The following TRERF1 variants were observed in gnomAD, a reference collection of about 807,000 sequenced individuals.
TRERF1 encodes transcriptional regulating factor 1.
Under a neutral mutation model 122.9 loss-of-function variants are expected in TRERF1, and 27 were observed. That is an observed-to-expected ratio of 0.22 (90% confidence interval 0.16 to 0.30). The LOEUF (loss-of-function observed/expected upper bound fraction) is 0.30. Among genes scored for constraint, TRERF1 ranks in the 10% least tolerant of loss-of-function variants. The pLI, the probability that TRERF1 is intolerant of heterozygous loss-of-function variation, is 1.00. For synonymous variants in TRERF1, 636 were observed against 641.7 expected (o/e 0.99, Z 0.13); for missense variants, 1,248 against 1,560.3 (o/e 0.80, Z 3.37).
chr6:42,338,817 G>A lies in TRERF1; in HGVS notation c.-371+24180C>T, dbSNP rs1314501082. ...GTTCCCACATGGGACTCTCTGCACT[G>A]CCCACACTCAGGAACTTCTCAGGAA... is the stretch of plus-strand genomic sequence containing the variant. On this transcript the variant is annotated intron_variant, in intron 3 of 17. Transcript: ENST00000372922. Among the ~76,000 whole-genome samples, 4 of 152,162 alleles carry A rather than the reference G, an allele frequency of 2.6e-5. No homozygotes were observed. The South Asian group carries it at 6.2e-4, about 24-fold the overall frequency.
At chr6:42,322,994 G>A (rs1447686117) in intron 3 of TRERF1, among the ~76,000 whole-genome samples, 1 of 151,794 alleles carries the variant, frequency 6.6e-6, no homozygotes, top group African/African-American at 2.4e-5. Flanking sequence ...GGGGTGGGGG[G>A]CAAGCAGAGG....
At chr6:42,426,135 T>G (rs182663932) in intron 2 of TRERF1, among the ~76,000 whole-genome samples, 3 of 152,348 alleles carry the variant, frequency 2.0e-5, no homozygotes, top group Admixed American at 1.3e-4. Flanking sequence ...TGGTTTCCCC[T>G]TCAGTTCTGC....
At chr6:42,333,550 G>A (rs772431231) in intron 3 of TRERF1, among the ~76,000 whole-genome samples, 2 of 152,218 alleles carry the variant, frequency 1.3e-5, no homozygotes, top group African/African-American at 2.4e-5. Flanking sequence ...TGCACCCTGC[G>A]CAGCTGGAGA....
At chr6:42,377,141 C>T (rs1451981272) in intron 2 of TRERF1, among the ~76,000 whole-genome samples, 1 of 152,212 alleles carries the variant, frequency 6.6e-6, no homozygotes, top group African/African-American at 2.4e-5. Flanking sequence ...GCTGGAATTA[C>T]AGGCGTGAGC....
rs1778382356 is a variant in TRERF1, at chr6:42,262,605, C to CAGAGAGAGAGAGAGAGAG, written c.1884+714_1884+715insCTCTCTCTCTCTCTCTCT. Among the ~76,000 whole-genome samples, 11 of 59,416 alleles carry CAGAGAGAGAGAGAGAGAG rather than the reference C, an allele frequency of 1.9e-4. 1 individual carries two copies. The highest frequency in any genetic ancestry group is 4.8e-4 in the East Asian group (1 of 2,090). The allele number at this position is 59,416 out of a possible 152,430, so 39.0% of individuals were successfully genotyped here. A position where few individuals can be genotyped will look rare whatever the true frequency, so the allele number is the denominator to read the frequency against. The stretch of plus-strand genomic sequence containing the variant: ...AGAGAGAGAGAGAGAGAGAGACAGA[C>CAGAGAGAGAGAGAGAGAG]AGACGGAAACCCTTCCCAGAGGCAA... On this transcript the variant is annotated intron_variant, in intron 8 of 17. Transcript: ENST00000372922.
intron 3 of TRERF1, among the ~76,000 whole-genome samples, chr6:42,320,758 C>T (rs1395748547): frequency 6.6e-6 from 1 of 152,160 alleles, no homozygotes; most frequent in Non-Finnish European, 1.5e-5. Flanking sequence ...GATCCACCTG[C>T]CTCGGCCTCC....
At chr6:42,298,573 A>G (rs553718715) in intron 4 of TRERF1, among the ~76,000 whole-genome samples, 21 of 147,802 alleles carry the variant, frequency 1.4e-4, no homozygotes, top group Non-Finnish European at 2.5e-4. Context: ...GGGAGGCTGA[A>G]GTGGGTGGAT....
intron 2 of TRERF1, among the ~76,000 whole-genome samples, chr6:42,379,056 T>C (rs1013765797): frequency 3.0e-4 from 45 of 151,826 alleles, no homozygotes; most frequent in Admixed American, 1.4e-3. Context: ...GCAGGTAGAG[T>C]CTGCAGTAAG....
chr6:42,375,951 C>T (rs1774766980), intron 2 of TRERF1, among the ~76,000 whole-genome samples: 1 of 152,118 alleles, frequency 6.6e-6, no homozygotes, highest in Admixed American at 6.5e-5. Context: ...AGAAATGAAA[C>T]CCGATTAGAA....
In TRERF1 at chr6:42,240,009, C is replaced by T. The variant is rs536596690; in HGVS notation, c.2859+3239G>A. Among the ~76,000 whole-genome samples the T allele has an allele frequency of 2.6e-5, 4 of 152,106 alleles. No homozygotes were observed. In the East Asian group the frequency reaches 7.8e-4, roughly 30 times the overall value. On this transcript the variant is annotated intron_variant, in intron 15 of 17. Transcript: ENST00000372922. The stretch of plus-strand genomic sequence containing the variant: ...CAAGAGGGTGTGGCCCCTTGGGCAC[C>T]CTCTTACCCTCTCCTCCTTAATCTG...
In TRERF1 at chr6:42,443,501, T is replaced by C. The variant is rs148442582; in HGVS notation, c.-454+7676A>G. On this transcript the variant is annotated intron_variant, in intron 2 of 17. Transcript: ENST00000372922. ...CCTTATTTGCAAAACAAACACTGAA[T>C]GCAAATGAAGACGGCTAAGACTGTA... Among the ~76,000 whole-genome samples, 846 of 152,338 alleles carry C rather than the reference T, an allele frequency of 5.6e-3. 6 individuals are homozygous for C. The highest frequency in any genetic ancestry group is 0.019 in the African/African-American group (798 of 41,574).
chr6:42,409,223 G>C (rs1367652660), intron 2 of TRERF1, among the ~76,000 whole-genome samples: 1 of 152,054 alleles, frequency 6.6e-6, no homozygotes, highest in African/African-American at 2.4e-5. Context: ...AGGCTGCAGT[G>C]AGCCGTGATC....
intron 4 of TRERF1, among the ~76,000 whole-genome samples, chr6:42,283,835 C>T (rs544115989): frequency 5.9e-5 from 9 of 151,986 alleles, no homozygotes; most frequent in East Asian, 1.9e-4. Context: ...AGGCTGGTCT[C>T]GAACTCCCAA....
At chr6:42,339,286 G>A (rs142637888) in intron 3 of TRERF1, among the ~76,000 whole-genome samples, 3 of 152,176 alleles carry the variant, frequency 2.0e-5, no homozygotes, top group South Asian at 2.1e-4. Context: ...TGTCCTCCAC[G>A]TCTCTCCTTC....
chr6:42,279,642 G>A (rs1238216566), intron 4 of TRERF1, among the ~76,000 whole-genome samples: 1 of 152,180 alleles, frequency 6.6e-6, no homozygotes, highest in Non-Finnish European at 1.5e-5. Flanking sequence ...TCCGGCAGGT[G>A]GGCAGCACAG....
exon 18 of TRERF1, chr6:42,226,490 G>T (rs1025179833): frequency 2.0e-5 from 3 of 152,204 alleles, no homozygotes; most frequent in African/African-American, 7.2e-5. Flanking sequence ...ACTCACAACT[G>T]CTTGGATAAA....
chr6:42,321,085 G>A (rs547518211), intron 3 of TRERF1, among the ~76,000 whole-genome samples: 1 of 150,714 alleles, frequency 6.6e-6, no homozygotes, highest in Admixed American at 6.7e-5. Flanking sequence ...TATAAAATCT[G>A]AAGTCAGAAG....
At chr6:42,281,598 GA>G (rs1782311529) in intron 4 of TRERF1, among the ~76,000 whole-genome samples, 1 of 152,158 alleles carries the variant, frequency 6.6e-6, no homozygotes, top group African/African-American at 2.4e-5. Flanking sequence ...GAAAGTGAAG[GA>G]GCCAATCCCC....
chr6:42,380,400 T>C (rs1270589065), intron 2 of TRERF1, among the ~76,000 whole-genome samples: 4 of 152,160 alleles, frequency 2.6e-5, no homozygotes, highest in African/African-American at 9.7e-5. Context: ...GTGTGGGGCA[T>C]GCCAATGAGA....
Sources: gnomAD v4.1 joint callset for allele counts (sites outside exome capture counted in the v4.1 genomes callset) on GRCh38, gnomAD v4.1.1 for gene constraint, MANE v1.5 for transcripts, NCBI Gene and HGNC (gene_info 2026-07-23, HGNC 2026-07-21) for gene names.